WDR54: variants seen among roughly 807,000 people sequenced by gnomAD.
WDR54 encodes the protein WD repeat domain 54.
Under a neutral mutation model 44.1 loss-of-function variants are expected in WDR54, and 44 were observed. The observed-to-expected ratio is 1.00, with a 90% confidence interval of 0.78 to 1.28. The LOEUF (loss-of-function observed/expected upper bound fraction) is 1.28, where lower values mean the gene tolerates loss of function less well. WDR54 is among the 50% of genes most tolerant of loss of function. The pLI, the probability that WDR54 is intolerant of heterozygous loss-of-function variation, is 0.00. For missense variants in WDR54, 409 were observed against 429.7 expected (o/e 0.95, Z 0.43); for synonymous variants, 169 against 169.8 (o/e 1.00, Z 0.04).
At chr2:74,423,287 T>C in intron 3 of WDR54, 32 bp from the exon 4 acceptor site, 1 of 1,611,674 alleles carries the variant, frequency 6.2e-7, no homozygotes, top group Non-Finnish European at 8.5e-7. Flanking sequence ...TCAGTTGGGT[T>C]ATGCCCCCTG....
chr2:74,422,812 A>AC lies in WDR54; in HGVS notation c.223-58_223-57insC, dbSNP rs1260421388. On this transcript the variant is annotated intron_variant, in intron 2 of 9. Transcript: ENST00000348227. ...CGTCCCCCAAAAAAAAAAAAAAAAC[A>AC]AACAAACTCATCTTCCCTGCTTTGA... 3.4e-6 allele frequency: 5 copies of AC among 1,485,732 alleles called. No homozygotes were observed. In the African/African-American group the frequency reaches 5.8e-5, roughly 17 times the overall value. The allele number at this position is 1,485,732 out of a possible 1,614,324, so 92.0% of individuals were successfully genotyped here. A position where few individuals can be genotyped will look rare whatever the true frequency, so the allele number is the denominator to read the frequency against.
rs565129775 is a variant in WDR54 at position 74,425,238 on chromosome 2, G to T, written c.798+1G>T. ...GGACCTGGCTTCTGAGGTGGGCAAG[G>T]TAAGTCTCCTCCTCTGTACCTACAT... On this transcript the variant is annotated splice_donor_variant, in intron 8 of 9. Coordinates refer to ENST00000348227, the MANE Select transcript of WDR54 (RefSeq NM_032118.4). LOFTEE classifies it high-confidence loss of function. 2.0e-6 allele frequency: 3 copies of T among 1,531,708 alleles called. No homozygotes were observed. The highest frequency in any genetic ancestry group is 2.1e-5 in the Admixed American group (1 of 48,586). The allele number at this position is 1,531,708 out of a possible 1,614,324, so 94.9% of individuals were successfully genotyped here.
intron 8 of WDR54, 73 bp downstream of exon 8, chr2:74,425,310 T>C: frequency 1.3e-6 from 2 of 1,560,012 alleles, no homozygotes; most frequent in Non-Finnish European, 1.7e-6. Flanking sequence ...CACAGGCTTG[T>C]CTTTGCAACT....
chr2:74,425,355 G>C (rs1034250104), intron 8 of WDR54, 62 bp from the exon 9 acceptor site: 7 of 1,603,048 alleles, frequency 4.4e-6, no homozygotes, highest in Non-Finnish European at 5.1e-6. Context: ...ACCTGGACTG[G>C]GGATTCCAGC....
intron 2 of WDR54, 142 bp from the exon 3 acceptor site, chr2:74,422,728 G>A (rs1212747873): frequency 1.3e-6 from 1 of 763,762 alleles, no homozygotes; most frequent in African/African-American, 1.8e-5. Context: ...AGGAGGCTGA[G>A]GTTGCAGTGA....
intron 5 of WDR54, 133 bp downstream of exon 5, chr2:74,423,664 G>T: frequency 1.4e-6 from 2 of 1,435,844 alleles, no homozygotes; most frequent in East Asian, 4.6e-5. Flanking sequence ...AGAGACTCCA[G>T]TAAACCATGG....
At position 74,423,277 on chromosome 2, in the gene WDR54, T is replaced by C. The variant is rs201662272; in HGVS notation, c.286-42T>C. The C allele has an allele frequency of 7.5e-6, 12 of 1,602,976 alleles. No individual in the cohort carries two copies. In the African/African-American group the frequency reaches 1.6e-4, roughly 21 times the overall value. On this transcript the variant is annotated intron_variant, in intron 3 of 9. Transcript: ENST00000348227. ...GGATATGTGAAGTACTCAGCAGAGG[T>C]CAGTTGGGTTATGCCCCCTGGTTCT...
At position 74,422,257 on chromosome 2, in the gene WDR54, G is replaced by A; in HGVS notation, c.104G>A (p.Gly35Asp). 2 of 1,614,194 alleles carry A rather than the reference G, an allele frequency of 1.2e-6. No homozygotes were observed. Among genetic ancestry groups the A allele is most frequent in the Non-Finnish European group, 1.7e-6 (2 of 1,180,036 alleles). Residue 35 changes from glycine to aspartate, a missense_variant, in exon 2 of 10, where the codon GGC becomes GAC. Transcript: ENST00000348227. The stretch of plus-strand genomic sequence containing the variant: ...CCGGCTCGCAACCTCACGTATTTTG[G>A]CGTGGTTCATGGACCAAGCGCCCAG... ...QLPARNLTYFGVVHGPSAQLL... is the reference protein window; with the variant it reads ...QLPARNLTYFDVVHGPSAQLL...
At chr2:74,423,775 A>G in intron 5 of WDR54, 80 bp from the exon 6 acceptor site, 8 of 1,574,192 alleles carry the variant, frequency 5.1e-6, no homozygotes, top group Non-Finnish European at 6.9e-6. Context: ...GGTTTCTGGG[A>G]TGGAGTAAGT....
At chr2:74,424,441 A>G (rs1051090048) in intron 6 of WDR54, among the ~76,000 whole-genome samples, 1 of 152,182 alleles carries the variant, frequency 6.6e-6, no homozygotes, top group Non-Finnish European at 1.5e-5. Flanking sequence ...AACAGGGTGT[A>G]TATTTTCTTA....
intron 2 of WDR54, 157 bp from the exon 3 acceptor site, chr2:74,422,713 A>C: frequency 1.4e-6 from 1 of 702,360 alleles, no homozygotes; most frequent in Admixed American, 2.7e-5. Context: ...GAATCGCTTG[A>C]ACCCAGGAGG....
chr2:74,425,364 G>A, intron 8 of WDR54, 53 bp from the exon 9 acceptor site: 1 of 1,608,936 alleles, frequency 6.2e-7, no homozygotes, highest in Non-Finnish European at 8.5e-7. Flanking sequence ...GGGGATTCCA[G>A]CTTATAGCTG....
At chr2:74,422,048 C>T in intron 1 of WDR54, 105 bp from the exon 2 acceptor site, 1 of 1,213,932 alleles carries the variant, frequency 8.2e-7, no homozygotes, top group Non-Finnish European at 1.2e-6. Flanking sequence ...CATCCTATGA[C>T]CCAGTCTCAG....
intron 2 of WDR54, chr2:74,422,652 G>T (rs1329849990): frequency 3.3e-6 from 2 of 609,172 alleles, no homozygotes; most frequent in Non-Finnish European, 5.8e-6. Flanking sequence ...AATTAACCGG[G>T]TGTGGTGGCG....
rs372648730 is a variant in WDR54 at position 74,425,379 on chromosome 2, G to T, written c.799-38G>T. 5 of 1,612,832 alleles carry T rather than the reference G, an allele frequency of 3.1e-6. No homozygotes were observed. In the South Asian group the frequency reaches 5.5e-5, roughly 18 times the overall value. The stretch of plus-strand genomic sequence containing the variant: ...GGGGATTCCAGCTTATAGCTGTCCC[G>T]TCAGGGCATTCTGACTCCCCCTCTT... On this transcript the variant is annotated intron_variant, in intron 8 of 9. Coordinates refer to ENST00000348227, the MANE Select transcript of WDR54 (RefSeq NM_032118.4).
chr2:74,424,654 G>GA (rs1670277356), intron 6 of WDR54, among the ~76,000 whole-genome samples: 1 of 152,154 alleles, frequency 6.6e-6, no homozygotes, highest in Non-Finnish European at 1.5e-5. Context: ...GTTATTGGGG[G>GA]ATGGGACTCC....
chr2:74,424,748 G>A (rs1273131108), intron 6 of WDR54, 127 bp from the exon 7 acceptor site: 1 of 1,166,372 alleles, frequency 8.6e-7, no homozygotes, highest in Non-Finnish European at 1.3e-6. Flanking sequence ...TAGCTAGTGA[G>A]AGCTCCACAC....
chr2:74,424,037 G>A (rs999660067), intron 6 of WDR54, 55 bp downstream of exon 6: 4 of 1,608,246 alleles, frequency 2.5e-6, no homozygotes, highest in East Asian at 2.2e-5. Flanking sequence ...GGAGGCAGGG[G>A]ACCTGGCTTT....
Position 74,424,001 on chromosome 2 carries a change from C to A in WDR54, c.534+19C>A. On this transcript the variant is annotated intron_variant, in intron 6 of 9. Coordinates refer to ENST00000348227, the MANE Select transcript of WDR54 (RefSeq NM_032118.4). The stretch of plus-strand genomic sequence containing the variant: ...GGGACAGGTGAGTGGACTTCCCCTA[C>A]CCATCTGGGAGCCTTCCCCACCCTG... 1 of 1,613,762 alleles carries A rather than the reference C, an allele frequency of 6.2e-7. No individual in the cohort carries two copies. The highest frequency in any genetic ancestry group is 8.5e-7 in the Non-Finnish European group (1 of 1,179,876).
Sources: allele counts gnomAD v4.1 joint callset (sites outside exome capture counted in the v4.1 genomes callset), GRCh38; gene constraint gnomAD v4.1.1; transcripts MANE v1.5; gene names NCBI Gene and HGNC (gene_info 2026-07-23, HGNC 2026-07-21).